FOXO3: variants seen among roughly 807,000 people sequenced by gnomAD.
The protein encoded by FOXO3 is forkhead box protein O3.
In FOXO3, 4 loss-of-function variants were observed where a neutral mutation model predicts 41.9. That is an observed-to-expected ratio of 0.10 (90% CI 0.05 to 0.22). FOXO3 has a LOEUF of 0.22. Among genes scored for constraint, FOXO3 ranks in the 10% least tolerant of loss-of-function variants. FOXO3 has a pLI of 1.00. For missense variants in FOXO3, 534 were observed against 906.8 expected (o/e 0.59, Z 5.28); for synonymous variants, 318 against 389.3 (o/e 0.82, Z 2.16).
chr6:108,622,607 C>A (rs1284957362), intron 1 of FOXO3, among the ~76,000 whole-genome samples: 1 of 152,070 alleles, frequency 6.6e-6, no homozygotes, highest in Non-Finnish European at 1.5e-5. Flanking sequence ...TTCCTCCTCC[C>A]ACTCCAACTA....
intron 1 of FOXO3, among the ~76,000 whole-genome samples, chr6:108,567,109 A>G (rs896743615): frequency 2.4e-4 from 37 of 152,254 alleles, no homozygotes; most frequent in Non-Finnish European, 5.0e-4. Flanking sequence ...GTGCTTTGTG[A>G]ATTTGTCATT....
intron 1 of FOXO3, among the ~76,000 whole-genome samples, chr6:108,588,795 G>A (rs1776656463): frequency 6.6e-6 from 1 of 152,162 alleles, no homozygotes; most frequent in Non-Finnish European, 1.5e-5. Flanking sequence ...GCCTCAACAG[G>A]ATGCTAGAGC....
intron 2 of FOXO3, among the ~76,000 whole-genome samples, chr6:108,665,390 G>T (rs1464955094): frequency 3.9e-5 from 6 of 152,098 alleles, no homozygotes; most frequent in African/African-American, 1.2e-4. Flanking sequence ...TGATCGGCAG[G>T]TACTTCTAAT....
chr6:108,569,935 A>G lies in FOXO3; in HGVS notation c.621+8106A>G, dbSNP rs115844822. Among the ~76,000 whole-genome samples, 1,374 of 140,724 alleles carry G rather than the reference A, an allele frequency of 9.8e-3. 21 individuals carry two copies. The highest frequency in any genetic ancestry group is 0.035 in the African/African-American group (1,305 of 36,874). 92.3% of individuals were successfully genotyped at this position (140,724 alleles called of 152,430 possible). Reference sequence around the variant, plus strand: ...GTGTTTAGGAATTTGTTTGAAAACCATTAGGGGGTGGGGTGGGGTGGAAGA... The same window carrying G: ...GTGTTTAGGAATTTGTTTGAAAACCGTTAGGGGGTGGGGTGGGGTGGAAGA... On this transcript the variant is annotated intron_variant, in intron 1 of 2. Coordinates refer to ENST00000406360, the MANE Select transcript of FOXO3 (RefSeq NM_001455.4).
rs751737609 is a variant in FOXO3, at chr6:108,561,474, G to C, written c.266G>C (p.Gly89Ala). 11 of 1,513,488 alleles carry C rather than the reference G, an allele frequency of 7.3e-6. No individual in the cohort carries two copies. The South Asian group carries it at 1.3e-4, about 17-fold the overall frequency. 93.8% of individuals were successfully genotyped at this position (1,513,488 alleles called of 1,614,324 possible). A position where few individuals can be genotyped will look rare whatever the true frequency, so the allele number is the denominator to read the frequency against. The change falls in exon 1 of 3, where the codon GGC becomes GCC. Residue 89 changes from glycine to alanine, a missense_variant. Physicochemically the swap from Gly to Ala is moderately conservative, Grantham distance 60. Coordinates refer to ENST00000406360, the MANE Select transcript of FOXO3 (RefSeq NM_001455.4). ...GGCGGCGGCGGGAGCGGCACGCTGG[G>C]CTCCGGGCTGCTCCTTGAGGACTCG... ...IGGGGGSGTL[G>A]SGLLLEDSAR...
intron 1 of FOXO3, among the ~76,000 whole-genome samples, chr6:108,624,804 T>A (rs1413421692): frequency 2.0e-5 from 3 of 152,192 alleles, no homozygotes; most frequent in Non-Finnish European, 4.4e-5. Context: ...TTTAACTTTT[T>A]TTTTATAAAG....
chr6:108,561,766 G>A lies in FOXO3; in HGVS notation c.558G>A (p.Trp186Ter). 1 of 1,603,968 alleles carries A rather than the reference G, an allele frequency of 6.2e-7. No homozygotes were observed. The highest frequency in any genetic ancestry group is 8.5e-7 in the Non-Finnish European group (1 of 1,175,952). ...TCACTCTGTCCCAGATCTACGAGTGGATGGTGCGTTGCGTGCCCTACTTCA... is the reference window on the plus strand; with the variant it reads ...TCACTCTGTCCCAGATCTACGAGTGAATGGTGCGTTGCGTGCCCTACTTCA... ...KRLTLSQIYE[W>*]MVRCVPYFKD... The change falls in exon 1 of 3, where the codon TGG becomes TGA. Residue 186 changes from tryptophan (W) to a stop codon, truncating the protein, a stop_gained. Transcript: ENST00000406360. LOFTEE classifies it high-confidence loss of function.
chr6:108,591,886 TAAA>T (rs10583126), intron 1 of FOXO3, among the ~76,000 whole-genome samples: 104 of 149,910 alleles, frequency 6.9e-4, no homozygotes, highest in Middle Eastern at 3.4e-3. Context: ...TCTTTTTAGT[TAAA>T]AAAAAAAAAA....
intron 1 of FOXO3, among the ~76,000 whole-genome samples, chr6:108,603,963 A>T (rs137887828): frequency 8.7e-4 from 132 of 152,304 alleles, no homozygotes; most frequent in African/African-American, 3.0e-3. Flanking sequence ...AATTCCTAGA[A>T]TAATTTTTTT....
At position 108,572,815 on chromosome 6, in the gene FOXO3, A is replaced by G. The variant is rs528424045; in HGVS notation, c.621+10986A>G. ...GTTTTTTATGTCTAATATTGATTCT[A>G]TAAGATAGGCATTTAAATGTAAGCC... On this transcript the variant is annotated intron_variant, in intron 1 of 2. Coordinates refer to ENST00000406360, the MANE Select transcript of FOXO3 (RefSeq NM_001455.4). 7.2e-5 allele frequency among the ~76,000 whole-genome samples: 11 copies of G among 152,274 alleles called. No homozygotes were observed. The South Asian group carries it at 1.7e-3, about 23-fold the overall frequency.
At chr6:108,578,413 G>A (rs1776321294) in intron 1 of FOXO3, among the ~76,000 whole-genome samples, 1 of 152,168 alleles carries the variant, frequency 6.6e-6, no homozygotes, top group African/African-American at 2.4e-5. Context: ...AAATATGGTG[G>A]TATCTGTTGA....
chr6:108,589,367 A>C (rs911718962), intron 1 of FOXO3, among the ~76,000 whole-genome samples: 1 of 152,164 alleles, frequency 6.6e-6, no homozygotes, highest in Non-Finnish European at 1.5e-5. Context: ...CTACACAGAC[A>C]CAAGCACAAC....
intron 1 of FOXO3, among the ~76,000 whole-genome samples, chr6:108,654,565 G>A (rs923814325): frequency 1.3e-5 from 2 of 151,982 alleles, no homozygotes; most frequent in African/African-American, 4.8e-5. Context: ...TTCTTTTTAT[G>A]AGGGACCAGA....
At chr6:108,677,583 T>G (rs953857082) in intron 2 of FOXO3, among the ~76,000 whole-genome samples, 1 of 152,186 alleles carries the variant, frequency 6.6e-6, no homozygotes, top group African/African-American at 2.4e-5. Flanking sequence ...TAGGTAGTAC[T>G]TTACAGCTTC....
At chr6:108,607,821 G>A (rs1777250070) in intron 1 of FOXO3, among the ~76,000 whole-genome samples, 1 of 152,196 alleles carries the variant, frequency 6.6e-6, no homozygotes, top group Admixed American at 6.5e-5. Context: ...CTGTGTGCCA[G>A]CTCCTGTTAG....
chr6:108,634,172 G>A (rs1172392688), intron 1 of FOXO3, among the ~76,000 whole-genome samples: 3 of 152,162 alleles, frequency 2.0e-5, no homozygotes, highest in South Asian at 2.1e-4. Flanking sequence ...GCAACAGGAG[G>A]CATGAAAGAA....
At chr6:108,673,046 T>C (rs966721283) in intron 2 of FOXO3, among the ~76,000 whole-genome samples, 3 of 152,132 alleles carry the variant, frequency 2.0e-5, no homozygotes, top group African/African-American at 7.2e-5. Context: ...CATTGGTCAT[T>C]TGTATGTTCA....
At chr6:108,622,472 A>G (rs1376348023) in intron 1 of FOXO3, among the ~76,000 whole-genome samples, 8 of 152,168 alleles carry the variant, frequency 5.3e-5, no homozygotes, top group African/African-American at 1.9e-4. Flanking sequence ...AATTACTGCA[A>G]GGATCTGGTT....
At chr6:108,560,883 C>T (rs1332449289), upstream of FOXO3, 14 of 1,006,598 alleles carry the variant, frequency 1.4e-5, no homozygotes, top group African/African-American at 1.7e-5. Flanking sequence ...GCCGTCGATT[C>T]GCTCGCGGCT....
Sources: gnomAD v4.1 joint callset for allele counts (sites outside exome capture counted in the v4.1 genomes callset) on GRCh38, gnomAD v4.1.1 for gene constraint, MANE v1.5 for transcripts, NCBI Gene and HGNC (gene_info 2026-07-23, HGNC 2026-07-21) for gene names.